The following PXK variants were observed in gnomAD, a reference collection of about 807,000 sequenced individuals.
The protein encoded by PXK is PX domain-containing protein kinase-like protein.
PXK carries 35 observed loss-of-function variants against 84.7 expected under a neutral mutation model. The observed-to-expected ratio is 0.41, with a 90% CI of 0.32 to 0.55. The LOEUF (loss-of-function observed/expected upper bound fraction) is 0.55, where lower values mean the gene tolerates loss of function less well. PXK is among the 20% of genes least tolerant of loss of function. The probability of loss-of-function intolerance (pLI) is 0.21; values close to 1 mark genes in which losing one functional copy is unlikely to be tolerated. For synonymous variants in PXK, 253 were observed against 260.8 expected, an observed-to-expected ratio of 0.97 and a Z score of 0.29; for missense variants, 634 against 699.7, an observed-to-expected ratio of 0.91 and a Z score of 1.06.
intron 4 of PXK, among the ~76,000 whole-genome samples, chr3:58,384,487 GT>G (rs5849250): frequency 0.76 from 114,851 of 152,068 alleles, 43,604 homozygotes; most frequent in South Asian, 0.82. Flanking sequence ...GCCTTCACTT[GT>G]TTTTTTTGTT....
In PXK at chr3:58,390,450, A is replaced by T. The variant is rs973130776; in HGVS notation, c.389-132A>T. On this transcript the variant is annotated intron_variant, in intron 4 of 17. Coordinates refer to ENST00000356151, the MANE Select transcript of PXK (RefSeq NM_017771.5). This position sits in a 1 kb window ranked among gnomAD's most constrained non-coding sequence, Gnocchi z 4.2. ...GTGTGTATTTTCTTTCTTTATTATT[A>T]TTTTTTTTTTGGTAATTAAGTTTTT... The T allele has an allele frequency of 2.1e-5, 9 of 431,844 alleles. No homozygotes were observed. Among genetic ancestry groups the T allele is most frequent in the African/African-American group, 1.2e-4 (6 of 48,204 alleles). The allele number at this position is 431,844 out of a possible 1,614,324, so 26.8% of individuals were successfully genotyped here.
chr3:58,423,695 T>C lies in PXK; in HGVS notation c.1529-1057T>C, dbSNP rs375088034. ...GCAGAATGTCTCCCTGGAGTAGCCC[T>C]GGGAGGGACAGAGACAGCATCTGAC... On this transcript the variant is annotated intron_variant, in intron 17 of 17. Coordinates refer to ENST00000356151, the MANE Select transcript of PXK (RefSeq NM_017771.5). Among the ~76,000 whole-genome samples the C allele has an allele frequency of 2.8e-4, 42 of 152,220 alleles. No individual in the cohort carries two copies. The South Asian group carries it at 3.7e-3, about 14-fold the overall frequency.
intron 4 of PXK, 26 bp downstream of exon 4, chr3:58,382,726 G>A: frequency 6.8e-7 from 1 of 1,467,264 alleles, no homozygotes; most frequent in Non-Finnish European, 9.1e-7. Context: ...TGTGAATTAT[G>A]GTCACATGGC....
chr3:58,368,013 G>A (rs1413679092), intron 2 of PXK, among the ~76,000 whole-genome samples: 1 of 150,844 alleles, frequency 6.6e-6, no homozygotes, highest in Non-Finnish European at 1.5e-5. Context: ...TTAATTTTTA[G>A]TTTTGTAGAA....
intron 1 of PXK, among the ~76,000 whole-genome samples, chr3:58,349,809 G>A (rs530857151): frequency 6.6e-6 from 1 of 152,308 alleles, no homozygotes; most frequent in East Asian, 1.9e-4. Context: ...AGTCCCTTGT[G>A]CATAGTGGCT....
chr3:58,424,957 C>A lies in PXK; in HGVS notation c.1734C>A (p.Gly578=), dbSNP rs752909876. 1 of 1,614,054 alleles carries A rather than the reference C, an allele frequency of 6.2e-7. No homozygotes were observed. The highest frequency in any genetic ancestry group is 8.5e-7 in the Non-Finnish European group (1 of 1,180,034). The change falls in exon 18 of 18, where the codon GGC becomes GGA. Residue 578 remains glycine (G), a synonymous_variant. Transcript: ENST00000356151. The part of the protein sequence containing the change: ...KTCDHSAPKI[G] Reference sequence around the variant, plus strand: ...GTGATCACAGTGCTCCGAAGATCGGCTGAAGCTTCCTGTTTACACTTGGAG... The same window carrying A: ...GTGATCACAGTGCTCCGAAGATCGGATGAAGCTTCCTGTTTACACTTGGAG...
chr3:58,361,104 C>T (rs1004350434), intron 1 of PXK, among the ~76,000 whole-genome samples: 7 of 151,578 alleles, frequency 4.6e-5, no homozygotes, highest in African/African-American at 7.3e-5. Context: ...AGAGACCAGC[C>T]GGGCCAAGGT....
intron 13 of PXK, among the ~76,000 whole-genome samples, chr3:58,404,655 G>A (rs2059120859): frequency 6.6e-6 from 1 of 152,178 alleles, no homozygotes; most frequent in African/African-American, 2.4e-5. Context: ...GGTCATCTAC[G>A]GAAACTCCTT....
chr3:58,415,901 G>A (rs909794457), intron 17 of PXK, among the ~76,000 whole-genome samples: 9 of 152,202 alleles, frequency 5.9e-5, no homozygotes, highest in Non-Finnish European at 1.0e-4. Flanking sequence ...TTAAAAGGGC[G>A]GGACATCTTG....
In PXK at chr3:58,388,740, G is replaced by A. The variant is rs1446709331; in HGVS notation, c.389-1842G>A. On this transcript the variant is annotated intron_variant, in intron 4 of 17. Transcript: ENST00000356151. ...TACATATTGAGTCAGTAAACAAATA[G>A]CTAGTAAATTGTTTTCTTCCCTGAT... is the stretch of plus-strand genomic sequence containing the variant. 3.3e-5 allele frequency among the ~76,000 whole-genome samples: 5 copies of A among 152,158 alleles called. No homozygotes were observed. The East Asian group carries it at 9.6e-4, about 29-fold the overall frequency.
chr3:58,411,446 G>A lies in PXK; in HGVS notation c.1465+1287G>A, dbSNP rs1297845392. Among the ~76,000 whole-genome samples, 1 of 152,226 alleles carries A rather than the reference G, an allele frequency of 6.6e-6. No homozygotes were observed. Among genetic ancestry groups the A allele is most frequent in the African/African-American group, 2.4e-5 (1 of 41,466 alleles). On this transcript the variant is annotated intron_variant, in intron 16 of 17. Coordinates refer to ENST00000356151, the MANE Select transcript of PXK (RefSeq NM_017771.5). This position sits in a 1 kb window ranked among gnomAD's most constrained non-coding sequence, Gnocchi z 4.2. ...AGGCTCCTTGGGGGTGAATGCTGTTGTGGCTGGTGGGTAGTTTCAGTTGGA... is the reference window on the plus strand; with the variant it reads ...AGGCTCCTTGGGGGTGAATGCTGTTATGGCTGGTGGGTAGTTTCAGTTGGA...
chr3:58,344,710 C>T lies in PXK; in HGVS notation c.102+11620C>T, dbSNP rs187118974. ...AGTTATGGTGGTGGGCACCTGTAAT[C>T]CCAGCTACTCAGGAGGCTGAGGCAG... is the stretch of plus-strand genomic sequence containing the variant. On this transcript the variant is annotated intron_variant, in intron 1 of 17. Coordinates refer to ENST00000356151, the MANE Select transcript of PXK (RefSeq NM_017771.5). Among the ~76,000 whole-genome samples, 27 of 152,340 alleles carry T rather than the reference C, an allele frequency of 1.8e-4. No homozygotes were observed. In the East Asian group the frequency reaches 5.0e-3, roughly 28 times the overall value.
chr3:58,359,764 A>AG (rs143759353), intron 1 of PXK, among the ~76,000 whole-genome samples: 11,081 of 152,288 alleles, frequency 0.073, 523 homozygotes, highest in South Asian at 0.1. Context: ...TAAATGCTAA[A>AG]GGACTGATCT....
chr3:58,341,996 G>C (rs1349935187), intron 1 of PXK, among the ~76,000 whole-genome samples: 2 of 151,942 alleles, frequency 1.3e-5, no homozygotes, highest in Non-Finnish European at 2.9e-5. Context: ...GAGCCAACGC[G>C]CCTGGCCAGA....
At chr3:58,402,675 C>T (rs192133087) in intron 12 of PXK, among the ~76,000 whole-genome samples, 15 of 151,944 alleles carry the variant, frequency 9.9e-5, no homozygotes, top group African/African-American at 3.6e-4. Flanking sequence ...AGGTGATCCA[C>T]CTGCCTCAGC....
chr3:58,348,564 T>C (rs771429253), intron 1 of PXK, among the ~76,000 whole-genome samples: 15 of 152,122 alleles, frequency 9.9e-5, no homozygotes, highest in Non-Finnish European at 1.9e-4. Context: ...TTAAATAATA[T>C]ATTTAACCCA....
At chr3:58,405,368 G>T (rs2059230526) in intron 13 of PXK, among the ~76,000 whole-genome samples, 1 of 152,060 alleles carries the variant, frequency 6.6e-6, no homozygotes, top group Admixed American at 6.5e-5. Flanking sequence ...GACTCCTCAT[G>T]ATTTAAAAAG....
At chr3:58,408,679 C>T (rs2059743530) in intron 13 of PXK, among the ~76,000 whole-genome samples, 2 of 152,060 alleles carry the variant, frequency 1.3e-5, no homozygotes, top group Admixed American at 1.3e-4. Flanking sequence ...CCCACCACCA[C>T]GCCCGGCTAA....
intron 2 of PXK, among the ~76,000 whole-genome samples, chr3:58,369,108 C>G (rs2098324913): frequency 6.6e-6 from 1 of 152,008 alleles, no homozygotes; most frequent in Admixed American, 6.6e-5. Flanking sequence ...AGTCATTCAT[C>G]TTTCTAGGTG....
Sources: allele counts gnomAD v4.1 joint callset (sites outside exome capture counted in the v4.1 genomes callset), GRCh38; gene constraint gnomAD v4.1.1; non-coding constraint Gnocchi (gnomAD v3.1); transcripts MANE v1.5; gene names NCBI Gene and HGNC (gene_info 2026-07-23, HGNC 2026-07-21).